MAP2K1: variants seen among roughly 807,000 people sequenced by gnomAD.
MAP2K1 encodes mitogen-activated protein kinase kinase 1.
In MAP2K1, 16 loss-of-function variants were observed where a neutral mutation model predicts 46.3. The ratio of observed to expected loss-of-function variants is 0.35; its 90% CI spans 0.23 to 0.52. The LOEUF (loss-of-function observed/expected upper bound fraction) is 0.52, where lower values mean the gene tolerates loss of function less well. MAP2K1 is among the 20% of genes least tolerant of loss of function. The pLI, the probability that MAP2K1 is intolerant of heterozygous loss-of-function variation, is 0.94. For synonymous variants in MAP2K1, 183 were observed against 185.6 expected (o/e 0.99, Z 0.11); for missense variants, 263 against 497.1 (o/e 0.53, Z 4.48).
At chr15:66,443,459 A>G in intron 4 of MAP2K1, 102 bp downstream of exon 4, 8 of 766,318 alleles carry the variant, frequency 1.0e-5, no homozygotes, top group South Asian at 1.0e-4. Flanking sequence ...ATGAGGGGAA[A>G]GTTTATAAGA....
chr15:66,425,383 A>AT (rs34978280), intron 1 of MAP2K1, among the ~76,000 whole-genome samples: 2,356 of 149,746 alleles, frequency 0.016, 22 homozygotes, highest in Admixed American at 0.024. Context: ...ATTTAGCAGA[A>AT]TTTTTTTTTT....
rs370691162 is a variant in MAP2K1, at chr15:66,472,899, T to A, written c.569-8856T>A. Reference sequence around the variant, plus strand: ...AAATTCTTTCCTACTTACTCATTGTTTAATAATGAACAGAACTCTGGCCTA... The same window carrying A: ...AAATTCTTTCCTACTTACTCATTGTATAATAATGAACAGAACTCTGGCCTA... On this transcript the variant is annotated intron_variant, in intron 5 of 10. Transcript: ENST00000307102. Among the ~76,000 whole-genome samples the A allele has an allele frequency of 4.6e-5, 7 of 152,328 alleles. No individual in the cohort carries two copies. In the South Asian group the frequency reaches 1.4e-3, roughly 32 times the overall value.
intron 6 of MAP2K1, among the ~76,000 whole-genome samples, chr15:66,483,896 T>C (rs1287503194): frequency 1.3e-5 from 2 of 150,810 alleles, no homozygotes; most frequent in African/African-American, 2.4e-5. Context: ...TACAGGCGTG[T>C]GCCACCACGC....
intron 1 of MAP2K1, among the ~76,000 whole-genome samples, chr15:66,427,464 C>G (rs2093462110): frequency 6.6e-6 from 1 of 151,548 alleles, no homozygotes; most frequent in Admixed American, 6.6e-5. Flanking sequence ...GAGGCTGAGG[C>G]AGGAGAATTG....
chr15:66,489,166 G>T, intron 8 of MAP2K1, 49 bp from the exon 9 acceptor site: 1 of 1,485,212 alleles, frequency 6.7e-7, no homozygotes. Context: ...AGAGGAGATG[G>T]CTGGAGCAAG....
chr15:66,489,099 C>A, intron 8 of MAP2K1, 116 bp from the exon 9 acceptor site: 1 of 813,036 alleles, frequency 1.2e-6, no homozygotes, highest in Non-Finnish European at 2.1e-6. Flanking sequence ...TGCCTTTGGA[C>A]TGCAGAGAAG....
Position 66,406,622 on chromosome 15 carries a change from A to C in MAP2K1, c.80+19195A>C, listed in dbSNP as rs1249300895. On this transcript the variant is annotated intron_variant, in intron 1 of 10. Coordinates refer to ENST00000307102, the MANE Select transcript of MAP2K1 (RefSeq NM_002755.4). ...TTAAAGAAATGTTCAAGTCATGTGC[A>C]TGAGTATGCTCAGAGAGATTAAAAA... Among the ~76,000 whole-genome samples, 3 of 152,368 alleles carry C rather than the reference A, an allele frequency of 2.0e-5. No homozygotes were observed. The East Asian group carries it at 5.8e-4, about 29-fold the overall frequency.
intron 1 of MAP2K1, among the ~76,000 whole-genome samples, chr15:66,407,202 A>G (rs1281860684): frequency 1.3e-5 from 2 of 151,898 alleles, no homozygotes; most frequent in African/African-American, 4.9e-5. Context: ...AACAGGCCTG[A>G]ATGCAGAATG....
chr15:66,446,650 T>G (rs1300966108), intron 5 of MAP2K1: 1 of 393,912 alleles, frequency 2.5e-6, no homozygotes, highest in East Asian at 7.4e-5. Context: ...AGCACATCTC[T>G]TGCCCAAATA....
intron 3 of MAP2K1, among the ~76,000 whole-genome samples, chr15:66,442,588 T>G (rs1413206605): frequency 2.0e-5 from 3 of 152,222 alleles, no homozygotes; most frequent in Non-Finnish European, 4.4e-5. Flanking sequence ...GACCGTGTTT[T>G]TCCTTTACTG....
chr15:66,488,627 T>C (rs187781199), intron 8 of MAP2K1: 1 of 184,510 alleles, frequency 5.4e-6, no homozygotes, highest in African/African-American at 2.4e-5. Context: ...TTCTGGAATG[T>C]ACAGGTAACA....
At chr15:66,398,719 T>C (rs1447968387) in intron 1 of MAP2K1, among the ~76,000 whole-genome samples, 1 of 151,774 alleles carries the variant, frequency 6.6e-6, no homozygotes, top group Admixed American at 6.6e-5. Context: ...AAAATAGTTA[T>C]AAAATGCATT....
intron 5 of MAP2K1, among the ~76,000 whole-genome samples, chr15:66,479,245 G>A (rs1892857496): frequency 6.6e-6 from 1 of 152,016 alleles, no homozygotes; most frequent in Non-Finnish European, 1.5e-5. Context: ...TTACAGGCGT[G>A]TGCCACCACA....
At chr15:66,418,089 A>G (rs535056430) in intron 1 of MAP2K1, among the ~76,000 whole-genome samples, 14 of 152,346 alleles carry the variant, frequency 9.2e-5, no homozygotes, top group African/African-American at 3.1e-4. Flanking sequence ...GGTCCCAAGC[A>G]TAGGAGCTCA....
chr15:66,469,222 C>A (rs1892547085), intron 5 of MAP2K1, among the ~76,000 whole-genome samples: 1 of 152,114 alleles, frequency 6.6e-6, no homozygotes, highest in African/African-American at 2.4e-5. Flanking sequence ...TGCCATTGCA[C>A]TCCAGCCTGG....
chr15:66,490,104 G>A (rs993626261), intron 10 of MAP2K1: 13 of 527,088 alleles, frequency 2.5e-5, no homozygotes, highest in East Asian at 1.4e-4. Flanking sequence ...GTCACTCTCC[G>A]CCTGCTGTCT....
chr15:66,387,444 CGG>C lies in MAP2K1; in HGVS notation c.80+18_80+19del, dbSNP rs748927101. The C allele has an allele frequency of 5.8e-6, 9 of 1,551,386 alleles. 1 individual carries two copies. The South Asian group carries it at 9.5e-5, about 16-fold the overall frequency. ...CTCTGCGGAGTAAGTATGGGGCGGG[CGG>C]TGAACCTCGGGGCCCGGCTGGGGAG... is the stretch of plus-strand genomic sequence containing the variant. On this transcript the variant is annotated intron_variant, in intron 1 of 10. Transcript: ENST00000307102.
intron 1 of MAP2K1, among the ~76,000 whole-genome samples, chr15:66,398,100 TAAAA>T (rs879672695): frequency 7.1e-6 from 1 of 140,606 alleles, no homozygotes; most frequent in Non-Finnish European, 1.6e-5. Context: ...AGATTCCATC[TAAAA>T]AAAAAAAAGT....
chr15:66,423,916 C>T (rs2080574405), intron 1 of MAP2K1, among the ~76,000 whole-genome samples: 1 of 151,102 alleles, frequency 6.6e-6, no homozygotes, highest in African/African-American at 2.4e-5. Context: ...CCATGCCTGG[C>T]TGATTGTTTT....
Sources: allele counts gnomAD v4.1 joint callset (sites outside exome capture counted in the v4.1 genomes callset), GRCh38; gene constraint gnomAD v4.1.1; transcripts MANE v1.5; gene names NCBI Gene and HGNC (gene_info 2026-07-23, HGNC 2026-07-21).